Variants in ZEB2 observed in about 807,000 individuals in gnomAD.
ZEB2 encodes the protein zinc finger E-box binding homeobox 2.
A neutral mutation model predicts 99.9 loss-of-function variants in ZEB2; 6 were observed. That is an observed-to-expected ratio of 0.06 (90% CI 0.03 to 0.12). ZEB2 has a LOEUF of 0.12. Among genes scored for constraint, ZEB2 ranks in the 10% least tolerant of loss-of-function variants. The pLI is 1.00. For synonymous variants in ZEB2, 517 were observed against 542.5 expected (o/e 0.95, Z 0.65); for missense variants, 969 against 1,502.8 (o/e 0.64, Z 5.87).
rs533637050 is a variant in ZEB2 at position 144,388,890 on chromosome 2, G to GAA, written c.*559_*560dup. 573 of 330,786 alleles carry GAA rather than the reference G, an allele frequency of 1.7e-3. No individual in the cohort carries two copies. The highest frequency in any genetic ancestry group is 5.2e-3 in the Middle Eastern group (12 of 2,290). 20.5% of individuals were successfully genotyped at this position (330,786 alleles called of 1,614,324 possible). A position where few individuals can be genotyped will look rare whatever the true frequency, so the allele number is the denominator to read the frequency against. ...ATGCATCACTTCAAGTTCCTTCACA[G>GAA]AAAAAAAAAAAAATTGAGGCCTAAA... On this transcript the variant is annotated 3_prime_UTR_variant, in exon 10 of 10. Transcript: ENST00000627532. The surrounding 1 kb of genome is among the most constrained non-coding windows in gnomAD (Gnocchi z 5.4).
At chr2:144,456,520 T>C (rs1704123706) in intron 2 of ZEB2, among the ~76,000 whole-genome samples, 1 of 152,098 alleles carries the variant, frequency 6.6e-6, no homozygotes, top group African/African-American at 2.4e-5. Context: ...CTGATTACTC[T>C]TATCATGGTT....
In ZEB2 at chr2:144,404,921, G is replaced by A. The variant is rs1376118669; in HGVS notation, c.507C>T (p.Arg169=). 5.0e-6 allele frequency: 8 copies of A among 1,614,132 alleles called. No individual in the cohort carries two copies. The highest frequency in any genetic ancestry group is 1.3e-5 in the African/African-American group (1 of 74,950). ...CTGGGTAAATAATGGCTGTGTCACT[G>A]CGCTGAAGGTACTCCTCGATGCTGA... ...HAVSIEEYLQ[R]SDTAIIYPEA... is the part of the protein sequence containing the mutation. The change falls in exon 5 of 10, where the codon CGC becomes CGT. Residue 169 remains arginine (R), a synonymous_variant. Transcript: ENST00000627532.
chr2:144,474,318 T>G (rs1405947695), intron 2 of ZEB2, among the ~76,000 whole-genome samples: 1 of 152,178 alleles, frequency 6.6e-6, no homozygotes, highest in East Asian at 1.9e-4. Context: ...TGCTTCCGAA[T>G]CAAAGAATGT....
At chr2:144,411,121 TATACACACAC>T (rs1339411297) in intron 4 of ZEB2, among the ~76,000 whole-genome samples, 3,956 of 106,598 alleles carry the variant, frequency 0.037, 139 homozygotes, top group South Asian at 0.11. Context: ...GCATCTCATA[TATACACACAC>T]ACACACACAC....
chr2:144,398,815 G>A lies in ZEB2; in HGVS notation c.2372C>T (p.Thr791Ile), dbSNP rs760462459. The change falls in exon 8 of 10, where the codon ACA (threonine) becomes ATA (isoleucine). Residue 791 changes from threonine (T) to isoleucine (I), a missense_variant. By Grantham distance (89) the Thr-to-Ile change is moderately conservative (BLOSUM62 -1). This residue lies in a region of ZEB2 where 346 missense variants were observed against 460.0 expected (regional missense o/e 0.75). Transcript: ENST00000627532. ...NTPSPLNLSS[T>I]SSKNSHSSSY... ...ACTACTGTGGGAGTTTTTAGAAGAT[G>A]TGGAGGAAAGATTTAAGGGAGAAGG... 1 of 1,614,110 alleles carries A rather than the reference G, an allele frequency of 6.2e-7. No homozygotes were observed.
At chr2:144,436,461 G>T (rs1248351225) in intron 2 of ZEB2, among the ~76,000 whole-genome samples, 1 of 152,114 alleles carries the variant, frequency 6.6e-6, no homozygotes, top group African/African-American at 2.4e-5. Context: ...AAAAAAATAC[G>T]CATATTAAAT....
intron 2 of ZEB2, among the ~76,000 whole-genome samples, chr2:144,517,024 C>T (rs1330068678): frequency 6.7e-6 from 1 of 149,552 alleles, no homozygotes; most frequent in Non-Finnish European, 1.5e-5. Context: ...GCTGGGGGCG[C>T]GGGGCCCCGG....
intron 2 of ZEB2, among the ~76,000 whole-genome samples, chr2:144,438,611 G>T (rs1277667739): frequency 2.0e-5 from 3 of 152,110 alleles, no homozygotes; most frequent in Non-Finnish European, 4.4e-5. Context: ...TTACCCCAAA[G>T]AAATGCCTGA....
At chr2:144,404,165 C>G in intron 5 of ZEB2, 35 bp from the exon 6 acceptor site, 1 of 1,609,810 alleles carries the variant, frequency 6.2e-7, no homozygotes, top group Non-Finnish European at 8.5e-7. Context: ...GAGAAGCGGG[C>G]CAAAAGGTCA....
At chr2:144,433,340 T>C (rs936212769) in intron 2 of ZEB2, among the ~76,000 whole-genome samples, 1 of 152,196 alleles carries the variant, frequency 6.6e-6, no homozygotes, top group Non-Finnish European at 1.5e-5. Context: ...ATTGGCAAAA[T>C]GCACCTATAA....
At chr2:144,469,328 G>A (rs531218134) in intron 2 of ZEB2, among the ~76,000 whole-genome samples, 6 of 152,034 alleles carry the variant, frequency 3.9e-5, no homozygotes, top group Non-Finnish European at 8.8e-5. Flanking sequence ...CTTTCTCCTG[G>A]TCACGGCCAA....
chr2:144,413,183 A>G (rs1020421451), intron 4 of ZEB2, among the ~76,000 whole-genome samples: 2 of 152,208 alleles, frequency 1.3e-5, no homozygotes, highest in Non-Finnish European at 2.9e-5. Flanking sequence ...AAAAACTCAA[A>G]ACAACACAGC....
At chr2:144,441,292 A>G (rs1703915111) in intron 2 of ZEB2, among the ~76,000 whole-genome samples, 1 of 151,034 alleles carries the variant, frequency 6.6e-6, no homozygotes, top group African/African-American at 2.4e-5. Flanking sequence ...ATTTTCAGGT[A>G]GTGGAATTTG....
intron 2 of ZEB2, chr2:144,494,227 C>T (rs557832950): frequency 2.0e-5 from 3 of 150,890 alleles, no homozygotes; most frequent in Admixed American, 1.3e-4. Flanking sequence ...CATGCACAGA[C>T]CCAATTCTGT....
chr2:144,467,035 G>A (rs1405710316), intron 2 of ZEB2, among the ~76,000 whole-genome samples: 1 of 152,024 alleles, frequency 6.6e-6, no homozygotes, highest in East Asian at 1.9e-4. Context: ...TCCCTAACAA[G>A]ACTGACATAA....
intron 2 of ZEB2, among the ~76,000 whole-genome samples, chr2:144,451,885 T>C (rs2149900123): frequency 6.6e-6 from 1 of 152,342 alleles, no homozygotes; most frequent in East Asian, 1.9e-4. Context: ...TGGACCATAT[T>C]TTACAAGGTC....
At chr2:144,405,202 T>C (rs1703370605) in intron 4 of ZEB2, 178 bp from the exon 5 acceptor site, 7 of 684,502 alleles carry the variant, frequency 1.0e-5, no homozygotes, top group Non-Finnish European at 1.7e-5. Context: ...TTGCAATATA[T>C]GCAAGAAGGC....
chr2:144,458,800 C>T (rs1015428140), intron 2 of ZEB2, among the ~76,000 whole-genome samples: 4 of 152,166 alleles, frequency 2.6e-5, no homozygotes, highest in Admixed American at 6.5e-5. Flanking sequence ...GTTCCTGCAA[C>T]TTAAATAATT....
At chr2:144,519,442 T>C (rs1227081245) in intron 1 of ZEB2, 1 of 132,958 alleles carries the variant, frequency 7.5e-6, no homozygotes, top group Non-Finnish European at 1.7e-5. Flanking sequence ...TGAACTGCCA[T>C]GTCTAAGAGA....
Sources: allele counts gnomAD v4.1 joint callset (sites outside exome capture counted in the v4.1 genomes callset), GRCh38; gene constraint gnomAD v4.1.1; regional missense constraint gnomAD v4.1.1; non-coding constraint Gnocchi (gnomAD v3.1); transcripts MANE v1.5; gene names NCBI Gene and HGNC (gene_info 2026-07-23, HGNC 2026-07-21).